ABRAXAS2: variants seen among roughly 807,000 people sequenced by gnomAD.
The protein encoded by ABRAXAS2 is abraxas 2, BRISC complex subunit, also known as BRISC complex subunit Abraxas 2.
Under a neutral mutation model 49.0 loss-of-function variants are expected in ABRAXAS2, and 23 were observed. The ratio of observed to expected loss-of-function variants is 0.47; its 90% confidence interval spans 0.34 to 0.66. ABRAXAS2 has a LOEUF of 0.66. Among genes scored for constraint, ABRAXAS2 ranks in the 30% least tolerant of loss-of-function variants. The pLI is 0.01. For synonymous variants in ABRAXAS2, 168 were observed against 180.2 expected, an observed-to-expected ratio of 0.93 and a Z score of 0.54; for missense variants, 443 against 511.9, an observed-to-expected ratio of 0.87 and a Z score of 1.30.
chr10:124,804,529 TTTTG>T (rs981800951), intron 1 of ABRAXAS2, among the ~76,000 whole-genome samples: 5 of 152,140 alleles, frequency 3.3e-5, no homozygotes, highest in African/African-American at 9.7e-5. Flanking sequence ...TGGGTATTTG[TTTTG>T]TTTGTCTTTT....
In ABRAXAS2 at chr10:124,816,560, C is replaced by T. The variant is rs756069823; in HGVS notation, c.164-16C>T. On this transcript the variant is annotated splice_polypyrimidine_tract_variant and intron_variant, in intron 2 of 8. Transcript: ENST00000298492. The stretch of plus-strand genomic sequence containing the variant: ...TACATGATTAACTAAGATGTATTTC[C>T]TCTTTCTAATTACAGAAATCCATAA... The T allele has an allele frequency of 6.3e-7, 1 of 1,585,600 alleles. No individual in the cohort carries two copies. The highest frequency in any genetic ancestry group is 8.6e-7 in the Non-Finnish European group (1 of 1,156,612).
chr10:124,821,926 C>G (rs1048027484), intron 4 of ABRAXAS2, among the ~76,000 whole-genome samples: 1 of 152,216 alleles, frequency 6.6e-6, no homozygotes, highest in Admixed American at 6.5e-5. Flanking sequence ...GGGGCATGTT[C>G]TGCACGCTTC....
At position 124,820,769 on chromosome 10, in the gene ABRAXAS2, C is replaced by T. The variant is rs550868424; in HGVS notation, c.267+1319C>T. Among the ~76,000 whole-genome samples the T allele has an allele frequency of 1.2e-4, 18 of 151,932 alleles. No homozygotes were observed. In the Middle Eastern group the frequency reaches 0.01, roughly 87 times the overall value. On this transcript the variant is annotated intron_variant, in intron 4 of 8. Coordinates refer to ENST00000298492, the MANE Select transcript of ABRAXAS2 (RefSeq NM_032182.4). The stretch of plus-strand genomic sequence containing the variant: ...GATTACAAGCATGAGCCACCGCAGA[C>T]GGCCATGAATCTTAATTATACTTTC...
intron 5 of ABRAXAS2, among the ~76,000 whole-genome samples, chr10:124,827,042 A>AG: frequency 6.8e-6 from 1 of 147,542 alleles, no homozygotes; most frequent in South Asian, 2.2e-4. Context: ...GCAGTGAGCC[A>AG]AGATTGTGCC....
At chr10:124,802,612 C>T (rs1564916442) in intron 1 of ABRAXAS2, among the ~76,000 whole-genome samples, 1 of 152,162 alleles carries the variant, frequency 6.6e-6, no homozygotes, top group Non-Finnish European at 1.5e-5. Flanking sequence ...CTGTCTGTTT[C>T]AGTGTCTTTA....
At chr10:124,803,968 A>G (rs953393480) in intron 1 of ABRAXAS2, among the ~76,000 whole-genome samples, 1 of 152,202 alleles carries the variant, frequency 6.6e-6, no homozygotes. Flanking sequence ...ATTAGTCCCC[A>G]TGCCATAGTT....
At chr10:124,808,804 G>A (rs1252975339) in intron 2 of ABRAXAS2, among the ~76,000 whole-genome samples, 1 of 152,156 alleles carries the variant, frequency 6.6e-6, no homozygotes, top group Non-Finnish European at 1.5e-5. Context: ...CTAAAATACA[G>A]AATATGTGGA....
intron 4 of ABRAXAS2, among the ~76,000 whole-genome samples, chr10:124,822,791 C>CAAAAAA (rs538474876): frequency 1.5e-5 from 1 of 65,734 alleles, no homozygotes; most frequent in Non-Finnish European, 3.5e-5. Flanking sequence ...GACTCCAACT[C>CAAAAAA]AAAAAAAAAA....
chr10:124,803,314 A>C (rs1490989395), intron 1 of ABRAXAS2, among the ~76,000 whole-genome samples: 1 of 152,258 alleles, frequency 6.6e-6, no homozygotes, highest in Non-Finnish European at 1.5e-5. Context: ...ACTGTGTTTT[A>C]TATGACCATG....
intron 1 of ABRAXAS2, among the ~76,000 whole-genome samples, chr10:124,804,268 T>A (rs1950725707): frequency 6.6e-6 from 1 of 152,232 alleles, no homozygotes; most frequent in Non-Finnish European, 1.5e-5. Flanking sequence ...GTTGTAGGGT[T>A]ACCAGATGAA....
chr10:124,827,750 CAAA>C (rs11306353), intron 5 of ABRAXAS2, among the ~76,000 whole-genome samples: 2 of 115,312 alleles, frequency 1.7e-5, no homozygotes. Context: ...CTTGTTAAAC[CAAA>C]AAAAAAAAAA....
In ABRAXAS2 at chr10:124,826,763, G is replaced by A. The variant is rs1411293691; in HGVS notation, c.436G>A (p.Val146Met). 1 of 1,614,008 alleles carries A rather than the reference G, an allele frequency of 6.2e-7. No individual in the cohort carries two copies. ...CAATTCCACTCACGCTTTAGAATATGTGCTCTTCAGACCAAATAGAAGGTA... is the reference window on the plus strand; with the variant it reads ...CAATTCCACTCACGCTTTAGAATATATGCTCTTCAGACCAAATAGAAGGTA... Reference protein sequence around the residue: ...ANNSTHALEYVLFRPNRRYNQ... With the variant: ...ANNSTHALEYMLFRPNRRYNQ... Residue 146 changes from valine (V) to methionine (M), a missense_variant, in exon 5 of 9, where the codon GTG becomes ATG. Val to Met is a conservative substitution (Grantham distance 21). Transcript: ENST00000298492.
At chr10:124,831,948 G>A (rs1950936469) in intron 8 of ABRAXAS2, among the ~76,000 whole-genome samples, 1 of 144,644 alleles carries the variant, frequency 6.9e-6, no homozygotes. Context: ...CACCTCCTGG[G>A]TTCAAACGAT....
chr10:124,826,458 C>T, intron 4 of ABRAXAS2, 137 bp from the exon 5 acceptor site: 1 of 727,404 alleles, frequency 1.4e-6, no homozygotes, highest in Admixed American at 2.9e-5. Context: ...TGCTCCTGCT[C>T]ATGGACGCTT....
At position 124,806,854 on chromosome 10, in the gene ABRAXAS2, A is replaced by G. The variant is rs376153017; in HGVS notation, c.96A>G (p.Val32=). The change falls in exon 2 of 9, where the codon GTA becomes GTG. Residue 32 remains valine (V), a synonymous_variant. Coordinates refer to ENST00000298492, the MANE Select transcript of ABRAXAS2 (RefSeq NM_032182.4). The part of the protein sequence containing the change: ...ADHEGFLLGE[V]RQEETFSISD... ...AGGAAGGATTTTTACTGGGAGAGGTAAGACAAGAGGAAACGTTTAGCATCA... is the reference window on the plus strand; with the variant it reads ...AGGAAGGATTTTTACTGGGAGAGGTGAGACAAGAGGAAACGTTTAGCATCA... The G allele has an allele frequency of 1.5e-5, 24 of 1,608,960 alleles. No individual in the cohort carries two copies. The highest frequency in any genetic ancestry group is 2.0e-5 in the Non-Finnish European group (23 of 1,177,260).
chr10:124,813,503 G>A (rs996148775), intron 2 of ABRAXAS2, among the ~76,000 whole-genome samples: 2 of 152,214 alleles, frequency 1.3e-5, no homozygotes, highest in South Asian at 2.1e-4. Context: ...GCCGAGAGGC[G>A]ATGTGTACAT....
At chr10:124,831,583 G>C in intron 8 of ABRAXAS2, 120 bp downstream of exon 8, 1 of 567,104 alleles carries the variant, frequency 1.8e-6, no homozygotes, top group South Asian at 2.4e-5. Context: ...GATTAGCCTG[G>C]CTGGGGCAGA....
At chr10:124,829,525 G>C (rs1397323735) in intron 7 of ABRAXAS2, 48 bp downstream of exon 7, 4 of 1,282,914 alleles carry the variant, frequency 3.1e-6, no homozygotes, top group Non-Finnish European at 4.4e-6. Context: ...TTGCCCAAAA[G>C]CTTTTAATTC....
At chr10:124,823,237 A>G (rs570108104) in intron 4 of ABRAXAS2, among the ~76,000 whole-genome samples, 1 of 152,310 alleles carries the variant, frequency 6.6e-6, no homozygotes, top group South Asian at 2.1e-4. Context: ...AAAAAGCTTT[A>G]TAATTCTTGT....
Sources: allele counts gnomAD v4.1 joint callset (sites outside exome capture counted in the v4.1 genomes callset), GRCh38; gene constraint gnomAD v4.1.1; transcripts MANE v1.5; gene names NCBI Gene and HGNC (gene_info 2026-07-23, HGNC 2026-07-21).